USP28: variants seen among roughly 807,000 people sequenced by gnomAD.
USP28 encodes ubiquitin carboxyl-terminal hydrolase 28.
In USP28, 113 loss-of-function variants were observed where a neutral mutation model predicts 145.0. The observed-to-expected ratio is 0.78, with a 90% confidence interval of 0.67 to 0.91. The LOEUF (loss-of-function observed/expected upper bound fraction) is 0.91, where lower values mean the gene tolerates loss of function less well. USP28 is among the 40% of genes least tolerant of loss of function. USP28 has a pLI of 0.00. For synonymous variants in USP28, 447 were observed against 450.9 expected, an observed-to-expected ratio of 0.99 and a Z score of 0.11; for missense variants, 1,201 against 1,289.6, an observed-to-expected ratio of 0.93 and a Z score of 1.05.
intron 3 of USP28, among the ~76,000 whole-genome samples, chr11:113,851,835 CT>C (rs199915501): frequency 0.02 from 1,251 of 62,526 alleles, 16 homozygotes; most frequent in African/African-American, 0.045. Flanking sequence ...CCCCAGCACT[CT>C]TTTTTTCATT....
At position 113,862,983 on chromosome 11, in the gene USP28, C is replaced by T. The variant is rs894057840; in HGVS notation, c.58-8648G>A. ...TTTACCCCTAAAATCAGGAACAAGACAAAGATGCCCACTTTCACCACTGCT... is the reference window on the plus strand; with the variant it reads ...TTTACCCCTAAAATCAGGAACAAGATAAAGATGCCCACTTTCACCACTGCT... On this transcript the variant is annotated intron_variant, in intron 1 of 24. Coordinates refer to ENST00000003302, the Ensembl canonical transcript of USP28. 8.5e-5 allele frequency among the ~76,000 whole-genome samples: 13 copies of T among 152,146 alleles called. 2 individuals carry two copies. Among genetic ancestry groups the T allele is most frequent in the Admixed American group, 7.9e-4 (12 of 15,270 alleles).
chr11:113,812,513 C>CA lies in USP28; in HGVS notation c.1744-10dup, dbSNP rs772649143. The CA allele has an allele frequency of 1.9e-6, 3 of 1,610,378 alleles. No individual in the cohort carries two copies. The South Asian group carries it at 3.3e-5, about 18-fold the overall frequency. Reference sequence around the variant, plus strand: ...TGCAAGCGATAAGGCACCTGTAAGTCAGAATGTACATTCCCCAGTCAGGTG... The same window carrying CA: ...TGCAAGCGATAAGGCACCTGTAAGTCAAGAATGTACATTCCCCAGTCAGGTG... On this transcript the variant is annotated splice_polypyrimidine_tract_variant and intron_variant, in intron 15 of 24. Coordinates refer to ENST00000003302, the Ensembl canonical transcript of USP28.
chr11:113,875,336 C>A, intron 1 of USP28, 109 bp downstream of exon 1: 1 of 955,126 alleles, frequency 1.0e-6, no homozygotes, highest in Non-Finnish European at 1.3e-6. Flanking sequence ...CTGTCCCGCC[C>A]GGCCGGGGCG....
intron 23 of USP28, among the ~76,000 whole-genome samples, chr11:113,802,448 T>C (rs985560535): frequency 3.3e-5 from 5 of 152,172 alleles, no homozygotes; most frequent in African/African-American, 1.2e-4. Context: ...CTGACTTCTG[T>C]GAAGGGCAAA....
At chr11:113,812,905 A>G (rs1300062396) in intron 15 of USP28, among the ~76,000 whole-genome samples, 1 of 152,196 alleles carries the variant, frequency 6.6e-6, no homozygotes, top group African/African-American at 2.4e-5. Context: ...TTCCATGCCT[A>G]TTTTATTTGG....
At chr11:113,845,529 C>A (rs1945732587) in intron 3 of USP28, among the ~76,000 whole-genome samples, 1 of 152,068 alleles carries the variant, frequency 6.6e-6, no homozygotes, top group Non-Finnish European at 1.5e-5. Context: ...AAAAATAGAA[C>A]AACCGTATGA....
At chr11:113,872,262 G>A (rs1591530905) in intron 1 of USP28, among the ~76,000 whole-genome samples, 2 of 152,116 alleles carry the variant, frequency 1.3e-5, no homozygotes, top group African/African-American at 4.8e-5. Flanking sequence ...CGAGGCGGGC[G>A]GATCATGAGG....
intron 3 of USP28, among the ~76,000 whole-genome samples, 171 bp from the exon 4 acceptor site, chr11:113,841,939 T>C (rs1945248537): frequency 6.6e-6 from 1 of 152,230 alleles, no homozygotes; most frequent in East Asian, 1.9e-4. Flanking sequence ...GGCTACACTG[T>C]AACCTTAGAC....
intron 5 of USP28, among the ~76,000 whole-genome samples, chr11:113,838,994 C>T (rs1429335795): frequency 1.3e-5 from 2 of 152,164 alleles, no homozygotes. Flanking sequence ...TTTAAGATGC[C>T]TGATCGATAC....
At chr11:113,815,787 A>C (rs1337070132) in intron 13 of USP28, among the ~76,000 whole-genome samples, 2 of 152,206 alleles carry the variant, frequency 1.3e-5, no homozygotes, top group South Asian at 4.1e-4. Flanking sequence ...GAATCAAGGA[A>C]TCAACTACAG....
At chr11:113,863,314 T>G (rs1009541290) in intron 1 of USP28, among the ~76,000 whole-genome samples, 2 of 152,156 alleles carry the variant, frequency 1.3e-5, no homozygotes, top group Non-Finnish European at 2.9e-5. Flanking sequence ...AGGAATAAAT[T>G]TGACCAAAGA....
intron 23 of USP28, 73 bp downstream of exon 24, chr11:113,803,085 C>G: frequency 9.0e-6 from 13 of 1,450,136 alleles, no homozygotes; most frequent in Non-Finnish European, 1.2e-5. Flanking sequence ...TTTTGAAAGC[C>G]ATATATTTTC....
exon 1 of USP28, chr11:113,875,536 C>T (rs1316857289): frequency 1.5e-5 from 17 of 1,137,462 alleles, no homozygotes; most frequent in Middle Eastern, 3.7e-4. Flanking sequence ...ACCGGTCTCC[C>T]GCCGCAGCCG....
intron 17 of USP28, 78 bp from the exon 18 acceptor site, chr11:113,808,515 G>A (rs1169720703): frequency 1.1e-5 from 16 of 1,513,046 alleles, no homozygotes; most frequent in Admixed American, 5.5e-5. Context: ...CAAGCAGAAT[G>A]TATACAGTTT....
At chr11:113,865,305 G>A (rs1334799505) in intron 1 of USP28, among the ~76,000 whole-genome samples, 2 of 152,190 alleles carry the variant, frequency 1.3e-5, no homozygotes, top group African/African-American at 4.8e-5. Context: ...TAAAAGAGCT[G>A]CAATGCTTTG....
At chr11:113,867,085 C>T (rs538343621) in intron 1 of USP28, among the ~76,000 whole-genome samples, 1 of 152,122 alleles carries the variant, frequency 6.6e-6, no homozygotes, top group Admixed American at 6.5e-5. Flanking sequence ...CTCTCTAATA[C>T]GTAAATCTAG....
chr11:113,865,394 T>C (rs1476307071), intron 1 of USP28, among the ~76,000 whole-genome samples: 3 of 152,114 alleles, frequency 2.0e-5, no homozygotes, highest in Non-Finnish European at 4.4e-5. Context: ...TAAAACAACA[T>C]TGAAAAGAAG....
intron 24 of USP28, among the ~76,000 whole-genome samples, chr11:113,801,140 A>T (rs545144773): frequency 6.6e-6 from 1 of 152,290 alleles, no homozygotes; most frequent in East Asian, 1.9e-4. Flanking sequence ...CACTGCACCC[A>T]GTCAGATTTT....
chr11:113,849,834 G>A (rs1313364616), intron 3 of USP28, among the ~76,000 whole-genome samples: 2 of 152,156 alleles, frequency 1.3e-5, no homozygotes, highest in Non-Finnish European at 2.9e-5. Context: ...ACTGATGCTG[G>A]CAACCCTAGG....
Sources: allele counts gnomAD v4.1 joint callset (sites outside exome capture counted in the v4.1 genomes callset), GRCh38; gene constraint gnomAD v4.1.1; transcripts MANE v1.5; gene names NCBI Gene and HGNC (gene_info 2026-07-23, HGNC 2026-07-21).